Variants in ADAMTSL1 observed in about 807,000 individuals in gnomAD.
The protein encoded by ADAMTSL1 is ADAMTS-like protein 1.
A neutral mutation model predicts 201.8 loss-of-function variants in ADAMTSL1; 126 were observed. The ratio of observed to expected loss-of-function variants is 0.62; its 90% confidence interval spans 0.54 to 0.72. The LOEUF is 0.72. Among genes scored for constraint, ADAMTSL1 ranks in the 30% least tolerant of loss-of-function variants. The probability of loss-of-function intolerance (pLI) is 0.00; values close to 1 mark genes in which losing one functional copy is unlikely to be tolerated. For synonymous variants in ADAMTSL1, 1,121 were observed against 903.4 expected (o/e 1.24, Z -4.32); for missense variants, 2,679 against 2,277.8 (o/e 1.18, Z -3.59).
At chr9:18,862,898 A>T (rs543263790) in intron 23 of ADAMTSL1, among the ~76,000 whole-genome samples, 4 of 152,222 alleles carry the variant, frequency 2.6e-5, no homozygotes, top group Non-Finnish European at 5.9e-5. Context: ...ATGTGTTTTT[A>T]AAAGGTATAT....
intron 7 of ADAMTSL1, among the ~76,000 whole-genome samples, chr9:18,655,044 C>A (rs1450528501): frequency 5.3e-5 from 8 of 152,342 alleles, no homozygotes; most frequent in Admixed American, 4.6e-4. Flanking sequence ...GCTGGCCCAT[C>A]TGAGGCACAG....
At chr9:18,769,838 G>T (rs1820585967) in intron 16 of ADAMTSL1, among the ~76,000 whole-genome samples, 1 of 152,196 alleles carries the variant, frequency 6.6e-6, no homozygotes, top group African/African-American at 2.4e-5. Flanking sequence ...CCAGTGAAAA[G>T]CTGGGGACTC....
In ADAMTSL1 at chr9:18,795,441, T is replaced by C. The variant is rs370915112; in HGVS notation, c.3722T>C (p.Val1241Ala). ...GATTCCTTACAGATCTTGGCACCAG[T>C]GGAAGCAGATGTGGGTTTCTACACT... ...PDDSLQILAP[V>A]EADVGFYTCN... Residue 1241 changes from valine (V) to alanine (A), a missense_variant, in exon 20 of 29, where the codon GTG (valine) becomes GCG (alanine). Physicochemically the swap from Val to Ala is moderately conservative, Grantham distance 64. Coordinates refer to ENST00000380548, the MANE Select transcript of ADAMTSL1 (RefSeq NM_001040272.6). 177 of 1,613,772 alleles carry C rather than the reference T, an allele frequency of 1.1e-4. No individual in the cohort carries two copies. The highest frequency in any genetic ancestry group is 1.5e-4 in the Non-Finnish European group (176 of 1,179,830).
chr9:18,591,023 C>G (rs1052643300), intron 4 of ADAMTSL1, among the ~76,000 whole-genome samples: 6 of 152,114 alleles, frequency 3.9e-5, no homozygotes, highest in Admixed American at 3.9e-4. Flanking sequence ...ATGAAATATT[C>G]TGTAAATGTC....
intron 2 of ADAMTSL1, among the ~76,000 whole-genome samples, chr9:18,167,494 AG>A (rs1357582387): frequency 1.3e-5 from 2 of 151,938 alleles, no homozygotes; most frequent in Admixed American, 1.3e-4. Context: ...TTTGTTTTTT[AG>A]GGCAAGTCAT....
chr9:18,343,581 C>A (rs2132979417), intron 2 of ADAMTSL1, among the ~76,000 whole-genome samples: 1 of 152,232 alleles, frequency 6.6e-6, no homozygotes, highest in African/African-American at 2.4e-5. Flanking sequence ...TAAAATAGTT[C>A]TTAATTCTAA....
At chr9:18,280,243 T>C (rs1468101833) in intron 2 of ADAMTSL1, among the ~76,000 whole-genome samples, 1 of 152,018 alleles carries the variant, frequency 6.6e-6, no homozygotes, top group Non-Finnish European at 1.5e-5. Flanking sequence ...GGTCCATGGG[T>C]GCTGGCCTGA....
At chr9:18,023,300 GA>G (rs1820557840) in intron 1 of ADAMTSL1, among the ~76,000 whole-genome samples, 1 of 152,126 alleles carries the variant, frequency 6.6e-6, no homozygotes, top group Non-Finnish European at 1.5e-5. Flanking sequence ...TGGTGCTCAA[GA>G]ATTTGCATTT....
At chr9:18,425,100 C>T (rs1450616518) in intron 2 of ADAMTSL1, among the ~76,000 whole-genome samples, 1 of 152,066 alleles carries the variant, frequency 6.6e-6, no homozygotes, top group Non-Finnish European at 1.5e-5. Flanking sequence ...ACTGATTTAT[C>T]TGCTTTGCAA....
intron 2 of ADAMTSL1, among the ~76,000 whole-genome samples, chr9:18,182,955 G>T (rs1247644503): frequency 6.6e-6 from 1 of 152,168 alleles, no homozygotes; most frequent in African/African-American, 2.4e-5. Context: ...ATATCTGGCT[G>T]TAATGATCAT....
At chr9:18,286,813 A>G (rs182580372) in intron 2 of ADAMTSL1, among the ~76,000 whole-genome samples, 5 of 152,310 alleles carry the variant, frequency 3.3e-5, no homozygotes, top group Non-Finnish European at 7.4e-5. Context: ...TAATTAATTC[A>G]CTAGACTAAT....
chr9:18,124,708 G>T (rs1258529385), intron 1 of ADAMTSL1, among the ~76,000 whole-genome samples: 2 of 152,080 alleles, frequency 1.3e-5, no homozygotes, highest in East Asian at 1.9e-4. Context: ...TGTTCAAGAT[G>T]ATTTCATTGA....
chr9:18,254,237 G>A (rs900307882), intron 2 of ADAMTSL1, among the ~76,000 whole-genome samples: 1 of 148,188 alleles, frequency 6.7e-6, no homozygotes, highest in East Asian at 2.1e-4. Context: ...TAGTGTGTTA[G>A]TCATCATTAT....
rs575154333 is a variant in ADAMTSL1 at position 18,227,818 on chromosome 9, T to C, written c.207+63837T>C. 5.3e-4 allele frequency among the ~76,000 whole-genome samples: 81 copies of C among 152,296 alleles called. No individual in the cohort carries two copies. In the Middle Eastern group the frequency reaches 0.01, roughly 19 times the overall value. ...ACATCATATCATCATTGTTTCAGAA[T>C]GAAGAAGAAAAAGGCATAATTCATT... On this transcript the variant is annotated intron_variant, in intron 2 of 29. Coordinates refer to the ADAMTSL1 transcript ENST00000680146.
intron 2 of ADAMTSL1, among the ~76,000 whole-genome samples, chr9:18,341,484 C>T (rs1835461776): frequency 6.6e-6 from 1 of 152,048 alleles, no homozygotes; most frequent in Non-Finnish European, 1.5e-5. Flanking sequence ...CTTCCACATC[C>T]AGAATAAATG....
chr9:18,801,391 T>C (rs920747181), intron 20 of ADAMTSL1, among the ~76,000 whole-genome samples: 1 of 152,228 alleles, frequency 6.6e-6, no homozygotes, highest in Non-Finnish European at 1.5e-5. Context: ...TTTTGAACTT[T>C]TAGGTTCAGG....
intron 4 of ADAMTSL1, among the ~76,000 whole-genome samples, chr9:18,598,732 G>C (rs931544370): frequency 6.6e-6 from 1 of 152,156 alleles, no homozygotes. Flanking sequence ...GCACACCATA[G>C]TGATCTCAGG....
chr9:18,584,024 T>C (rs1823296713), intron 4 of ADAMTSL1, among the ~76,000 whole-genome samples: 1 of 152,174 alleles, frequency 6.6e-6, no homozygotes. Flanking sequence ...AATGCTGAAA[T>C]GAGTTAAGAC....
chr9:18,059,807 A>G (rs188080043), intron 1 of ADAMTSL1, among the ~76,000 whole-genome samples: 1 of 152,282 alleles, frequency 6.6e-6, no homozygotes, highest in East Asian at 1.9e-4. Flanking sequence ...TTTAGAACTA[A>G]ATAAGAATGA....
Sources: allele counts gnomAD v4.1 joint callset (sites outside exome capture counted in the v4.1 genomes callset), GRCh38; gene constraint gnomAD v4.1.1; transcripts MANE v1.5; gene names NCBI Gene and HGNC (gene_info 2026-07-23, HGNC 2026-07-21).